NOD1: variants seen among roughly 807,000 people sequenced by gnomAD.
NOD1 encodes the protein nucleotide-binding oligomerization domain-containing protein 1.
NOD1 carries 70 observed loss-of-function variants against 81.2 expected under a neutral mutation model. The ratio of observed to expected loss-of-function variants is 0.86; its 90% CI spans 0.71 to 1.05. The LOEUF (loss-of-function observed/expected upper bound fraction) is 1.05, where lower values mean the gene tolerates loss of function less well. Among genes scored for constraint, NOD1 ranks in the 50% least tolerant of loss-of-function variants. The pLI, the probability that NOD1 is intolerant of heterozygous loss-of-function variation, is 0.00. For missense variants in NOD1, 1,233 were observed against 1,228.0 expected, an observed-to-expected ratio of 1.00 and a Z score of -0.06; for synonymous variants, 508 against 526.9, an observed-to-expected ratio of 0.96 and a Z score of 0.49.
At position 30,433,157 on chromosome 7, in the gene NOD1, C is replaced by G; in HGVS notation, c.2644G>C (p.Asp882His). ...TCTGCCAAACTCTCTGCCACTTCAT[C>G]GTTGAGTTCATTTTGGGTCAGCCTA... ...ILWLTQNELN[D>H]EVAESLAEML... is the part of the protein sequence containing the mutation. The change falls in exon 12 of 14, where the codon GAT becomes CAT. Residue 882 changes from aspartate (D) to histidine (H), a missense_variant. Coordinates refer to ENST00000222823, the MANE Select transcript of NOD1 (RefSeq NM_006092.4). 11 of 1,613,992 alleles carry G rather than the reference C, an allele frequency of 6.8e-6. No homozygotes were observed. Among genetic ancestry groups the G allele is most frequent in the Non-Finnish European group, 8.5e-6 (10 of 1,179,878 alleles).
chr7:30,452,485 A>T lies in NOD1; in HGVS notation c.932T>A (p.Leu311Gln). The stretch of plus-strand genomic sequence containing the variant: ...ACTGAGCAGGTTGGCCAGCAAGACC[A>T]GGGGGTGGGCAGGCTCCCAGGGGCA... ...SSCPWEPAHP[L>Q]VLLANLLSGK... Residue 311 changes from leucine (L) to glutamine (Q), a missense_variant, in exon 6 of 14, where the codon CTG becomes CAG. Physicochemically the swap from Leu to Gln is moderately radical, Grantham distance 113. Transcript: ENST00000222823. 6.2e-7 allele frequency: 1 copy of T among 1,613,194 alleles called. No homozygotes were observed. Among genetic ancestry groups the T allele is most frequent in the Non-Finnish European group, 8.5e-7 (1 of 1,179,922 alleles).
chr7:30,448,237 AT>A, intron 7 of NOD1, 60 bp downstream of exon 7: 1 of 1,355,928 alleles, frequency 7.4e-7, no homozygotes, highest in African/African-American at 1.4e-5. Context: ...GGGAATGTGA[AT>A]TCCCTGCAGC....
intron 10 of NOD1, among the ~76,000 whole-genome samples, chr7:30,436,374 T>TGGCGAGGCCTGGCAAGCTGTCC (rs1175381463): frequency 1.3e-5 from 2 of 152,254 alleles, no homozygotes; most frequent in Non-Finnish European, 2.9e-5. Flanking sequence ...GGCAGGAGGC[T>TGGCGAGGCCTGGCAAGCTGTCC]GGCGAGGCCT....
chr7:30,455,412 T>C, intron 4 of NOD1, 101 bp from the exon 5 acceptor site: 1 of 858,754 alleles, frequency 1.2e-6, no homozygotes, highest in South Asian at 1.6e-5. Flanking sequence ...GAGTTCTTAG[T>C]ACAGCCGGTA....
rs34218055 is a variant in NOD1, at chr7:30,467,344, G to T, written c.-351-7303C>A. On this transcript the variant is annotated intron_variant, in intron 1 of 13. Transcript: ENST00000222823. This position sits in a 1 kb window ranked among gnomAD's most constrained non-coding sequence, Gnocchi z 4.5. ...GTAGGGTAGGACTTTTATTCGTAAT[G>T]TTTTTTTTTTTATAAGAAGGCTATA... Among the ~76,000 whole-genome samples, 51 of 148,054 alleles carry T rather than the reference G, an allele frequency of 3.4e-4. No individual in the cohort carries two copies. Among genetic ancestry groups the T allele is most frequent in the African/African-American group, 8.2e-4 (33 of 40,292 alleles).
chr7:30,429,756 G>T (rs1460943908), intron 12 of NOD1, among the ~76,000 whole-genome samples: 2 of 152,320 alleles, frequency 1.3e-5, no homozygotes, highest in East Asian at 1.9e-4. Flanking sequence ...TTGGGGCCGG[G>T]TGCAGTGGCT....
chr7:30,447,597 G>A (rs549339669), intron 7 of NOD1: 27 of 164,286 alleles, frequency 1.6e-4, no homozygotes, highest in African/African-American at 4.8e-4. Flanking sequence ...AGTGTGGCCC[G>A]GGGTCGTTTG....
At chr7:30,425,908 T>C (rs562887307) in intron 13 of NOD1, among the ~76,000 whole-genome samples, 198 bp from the exon 14 acceptor site, 1 of 152,334 alleles carries the variant, frequency 6.6e-6, no homozygotes, top group East Asian at 1.9e-4. Context: ...CTCTGTTCAC[T>C]GGGTCTCACT....
At chr7:30,436,124 T>A in intron 10 of NOD1, 43 bp from the exon 11 acceptor site, 1 of 1,457,406 alleles carries the variant, frequency 6.9e-7, no homozygotes, top group Non-Finnish European at 9.6e-7. Flanking sequence ...AAGACACATC[T>A]ACATTCAATC....
Position 30,425,587 on chromosome 7 carries a change from T to G in NOD1, c.*51A>C, listed in dbSNP as rs1408389660. 2 of 1,375,768 alleles carry G rather than the reference T, an allele frequency of 1.5e-6. No individual in the cohort carries two copies. The highest frequency in any genetic ancestry group is 2.8e-5 in the African/African-American group (2 of 70,300). The allele number at this position is 1,375,768 out of a possible 1,614,324, so 85.2% of individuals were successfully genotyped here. On this transcript the variant is annotated 3_prime_UTR_variant, in exon 14 of 14. Coordinates refer to ENST00000222823, the MANE Select transcript of NOD1 (RefSeq NM_006092.4). The stretch of plus-strand genomic sequence containing the variant: ...ACACAAAAGACTGCCCAGAGTGGCA[T>G]TTGCTGCTGAGGCTCCAGGGCAAAA...
At position 30,478,220 on chromosome 7, in the gene NOD1, C is replaced by A. The variant is rs1388725260; in HGVS notation, c.-352+386G>T. On this transcript the variant is annotated intron_variant, in intron 1 of 13. Transcript: ENST00000222823. The surrounding 1 kb of genome is among the most constrained non-coding windows in gnomAD (Gnocchi z 4.1). ...CAAACCCTCGAACGCTGGCTGCACA[C>A]TGGAATCACTTGGGGAGCTTTTAAA... Among the ~76,000 whole-genome samples, 1 of 152,094 alleles carries A rather than the reference C, an allele frequency of 6.6e-6. No homozygotes were observed. The highest frequency in any genetic ancestry group is 1.5e-5 in the Non-Finnish European group (1 of 68,024).
intron 1 of NOD1, among the ~76,000 whole-genome samples, chr7:30,473,388 T>C (rs1788470676): frequency 6.6e-6 from 1 of 152,174 alleles, no homozygotes; most frequent in Non-Finnish European, 1.5e-5. Context: ...CAACCTGGGA[T>C]CTCCTAGGCC....
rs749641598 is a variant in NOD1 at position 30,425,679 on chromosome 7, C to T, written c.2821G>A (p.Ala941Thr). The T allele has an allele frequency of 2.8e-5, 45 of 1,613,764 alleles. No homozygotes were observed. Among genetic ancestry groups the T allele is most frequent in the East Asian group, 4.5e-5 (2 of 44,894 alleles). ...CGCTTCTCATCTTCATAGACTTTGG[C>T]CTCCTCTGGTTTTATCAGGTTTCCA... ...LNGNLIKPEEAKVYEDEKRII... is the reference protein window; with the variant it reads ...LNGNLIKPEETKVYEDEKRII... The change falls in exon 14 of 14, where the codon GCC (alanine) becomes ACC (threonine). Residue 941 changes from alanine (A) to threonine (T), a missense_variant. Physicochemically the swap from Ala to Thr is moderately conservative, Grantham distance 58. Coordinates refer to ENST00000222823, the MANE Select transcript of NOD1 (RefSeq NM_006092.4).
intron 1 of NOD1, among the ~76,000 whole-genome samples, chr7:30,464,233 C>T (rs4272257): frequency 0.15 from 23,518 of 152,246 alleles, 2,074 homozygotes; most frequent in Admixed American, 0.23. Context: ...CCATGCCTGC[C>T]TGAACTGCTA....
At chr7:30,447,845 A>G (rs1313954781) in intron 7 of NOD1, 1 of 157,842 alleles carries the variant, frequency 6.3e-6, no homozygotes, top group Non-Finnish European at 1.4e-5. Context: ...TCTGCGGGAG[A>G]AATATGAAAG....
chr7:30,469,015 C>T, intron 1 of NOD1: 1 of 985,448 alleles, frequency 1.0e-6, no homozygotes, highest in Non-Finnish European at 1.2e-6. Flanking sequence ...GCACACCTTA[C>T]ACAGCTTCGA....
intron 9 of NOD1, 101 bp from the exon 10 acceptor site, chr7:30,437,757 G>A: frequency 2.6e-6 from 2 of 766,424 alleles, no homozygotes; most frequent in Non-Finnish European, 4.1e-6. Flanking sequence ...CTACTCAACA[G>A]GCAGATGTTT....
At chr7:30,427,598 C>G (rs1464173946) in intron 13 of NOD1, among the ~76,000 whole-genome samples, 1 of 152,148 alleles carries the variant, frequency 6.6e-6, no homozygotes, top group Non-Finnish European at 1.5e-5. Context: ...GAAGACACTC[C>G]CAAGACCAGC....
chr7:30,446,088 C>CCG (rs1785042226), intron 9 of NOD1, 53 bp downstream of exon 9: 2 of 1,306,936 alleles, frequency 1.5e-6, no homozygotes, highest in Admixed American at 3.9e-5. Context: ...GCAAGGCCCG[C>CCG]CCCCCACACA....
Sources: allele counts gnomAD v4.1 joint callset (sites outside exome capture counted in the v4.1 genomes callset), GRCh38; gene constraint gnomAD v4.1.1; non-coding constraint Gnocchi (gnomAD v3.1); transcripts MANE v1.5; gene names NCBI Gene and HGNC (gene_info 2026-07-23, HGNC 2026-07-21).